PTPRJ: variants seen among roughly 807,000 people sequenced by gnomAD.
The protein encoded by PTPRJ is receptor-type tyrosine-protein phosphatase eta.
Under a neutral mutation model 141.3 loss-of-function variants are expected in PTPRJ, and 129 were observed. The ratio of observed to expected loss-of-function variants is 0.91; its 90% CI spans 0.79 to 1.06. The LOEUF (loss-of-function observed/expected upper bound fraction) is 1.06. PTPRJ is among the 50% of genes least tolerant of loss of function. The probability of loss-of-function intolerance (pLI) is 0.00; values close to 1 mark genes in which losing one functional copy is unlikely to be tolerated. For missense variants in PTPRJ, 1,601 were observed against 1,679.7 expected (o/e 0.95, Z 0.82); for synonymous variants, 610 against 640.5 (o/e 0.95, Z 0.72).
chr11:48,024,767 T>G (rs1853759055), intron 1 of PTPRJ, among the ~76,000 whole-genome samples: 1 of 152,212 alleles, frequency 6.6e-6, no homozygotes, highest in Non-Finnish European at 1.5e-5. Flanking sequence ...GTCATTTCAT[T>G]CATTCTGAGT....
At chr11:48,028,353 A>C (rs1853882142) in intron 1 of PTPRJ, among the ~76,000 whole-genome samples, 1 of 152,150 alleles carries the variant, frequency 6.6e-6, no homozygotes, top group African/African-American at 2.4e-5. Flanking sequence ...GAAATCTGGA[A>C]ATCTTGGCAT....
intron 10 of PTPRJ, 134 bp downstream of exon 10, chr11:48,137,415 C>A: frequency 1.1e-6 from 1 of 942,488 alleles, no homozygotes; most frequent in Non-Finnish European, 1.6e-6. Flanking sequence ...CCGAGGCATC[C>A]TGTTAGCTTA....
In PTPRJ at chr11:47,980,988, C is replaced by G. The variant is rs1362129712; in HGVS notation, c.76C>G (p.Leu26Val). The change falls in exon 1 of 25, where the codon CTG becomes GTG. Residue 26 changes from leucine to valine, a missense_variant. Physicochemically the swap from Leu to Val is conservative, Grantham distance 32. Transcript: ENST00000418331. ...GLRWALPLLL[L>V]LLRLGQILCA... ...GCGCTGGGCGCTGCCGCTGCTGCTG[C>G]TGCTGCTGCGCCTGGGCCAGGTAAG... is the stretch of plus-strand genomic sequence containing the variant. The G allele has an allele frequency of 4.2e-6, 5 of 1,186,636 alleles. No homozygotes were observed. In the East Asian group the frequency reaches 1.7e-4, roughly 41 times the overall value. 73.5% of individuals were successfully genotyped at this position (1,186,636 alleles called of 1,614,324 possible).
In PTPRJ at chr11:48,168,670, C is replaced by G. The variant is rs1176737945; in HGVS notation, c.*1308C>G. ...AAAGATGTAATTATTATTTTTAAAA[C>G]CTTTTCACTATACTGCTGCTGTAAT... On this transcript the variant is annotated 3_prime_UTR_variant, in exon 25 of 25. Coordinates refer to ENST00000418331, the MANE Select transcript of PTPRJ (RefSeq NM_002843.4). The G allele has an allele frequency of 7.0e-6, 1 of 143,476 alleles. No homozygotes were observed. The highest frequency in any genetic ancestry group is 1.5e-5 in the Non-Finnish European group (1 of 66,464). The allele number at this position is 143,476 out of a possible 1,614,324, so 8.9% of individuals were successfully genotyped here.
intron 1 of PTPRJ, among the ~76,000 whole-genome samples, chr11:48,014,852 G>A (rs1172579860): frequency 2.0e-5 from 3 of 152,064 alleles, no homozygotes; most frequent in Non-Finnish European, 4.4e-5. Context: ...ACAGGCATGC[G>A]CCACCATGCC....
chr11:48,007,862 G>A (rs368684075), intron 1 of PTPRJ, among the ~76,000 whole-genome samples: 17 of 152,292 alleles, frequency 1.1e-4, no homozygotes, highest in East Asian at 3.9e-4. Context: ...AATGCAAACC[G>A]TTTACTTTAG....
At chr11:48,008,874 T>C (rs981047038) in intron 1 of PTPRJ, among the ~76,000 whole-genome samples, 1 of 152,262 alleles carries the variant, frequency 6.6e-6, no homozygotes. Context: ...CACACCCCGG[T>C]TTATTGCATT....
chr11:48,157,669 T>C (rs2134383095), intron 21 of PTPRJ, among the ~76,000 whole-genome samples: 1 of 152,286 alleles, frequency 6.6e-6, no homozygotes, highest in South Asian at 2.1e-4. Flanking sequence ...CATGGTAAGC[T>C]AGCAGATGTT....
chr11:48,031,946 AC>A (rs2134225545), intron 1 of PTPRJ, among the ~76,000 whole-genome samples: 1 of 152,150 alleles, frequency 6.6e-6, no homozygotes, highest in African/African-American at 2.4e-5. Flanking sequence ...CACCCTCCCC[AC>A]CCCCGTCAAC....
At chr11:48,016,934 A>T (rs977737167) in intron 1 of PTPRJ, among the ~76,000 whole-genome samples, 4 of 149,336 alleles carry the variant, frequency 2.7e-5, no homozygotes, top group African/African-American at 9.8e-5. Flanking sequence ...TTTATTTTTA[A>T]TTTTTTTTTT....
At position 48,164,603 on chromosome 11, in the gene PTPRJ, G is replaced by A. The variant is rs374611817; in HGVS notation, c.3855+88G>A. The A allele has an allele frequency of 1.5e-5, 20 of 1,330,742 alleles. 1 individual carries two copies. The Admixed American group carries it at 2.7e-4, about 18-fold the overall frequency. 82.4% of individuals were successfully genotyped at this position (1,330,742 alleles called of 1,614,324 possible). On this transcript the variant is annotated intron_variant, in intron 24 of 24. Transcript: ENST00000418331. ...TTTTTTTGAGACGGAGTCTTGCTCTGTCGCCCAGGCTGGAGTGCAGTGGCA... is the reference window on the plus strand; with the variant it reads ...TTTTTTTGAGACGGAGTCTTGCTCTATCGCCCAGGCTGGAGTGCAGTGGCA...
chr11:48,102,722 C>T (rs1429306073), intron 1 of PTPRJ, among the ~76,000 whole-genome samples: 2 of 152,068 alleles, frequency 1.3e-5, no homozygotes, highest in East Asian at 3.9e-4. Context: ...TGGCTTCTAT[C>T]TCCCTAATTT....
chr11:48,051,064 G>A (rs1357125255), intron 1 of PTPRJ, among the ~76,000 whole-genome samples: 1 of 137,470 alleles, frequency 7.3e-6, no homozygotes, highest in Non-Finnish European at 1.5e-5. Context: ...TTTCAGAGGT[G>A]ATAGCCAGTT....
intron 2 of PTPRJ, 44 bp downstream of exon 2, chr11:48,110,120 C>G: frequency 6.3e-7 from 1 of 1,585,670 alleles, no homozygotes; most frequent in Non-Finnish European, 8.7e-7. Context: ...TTCGCTACTG[C>G]CCCCTAATGG....
intron 1 of PTPRJ, among the ~76,000 whole-genome samples, chr11:48,017,623 A>G (rs978308918): frequency 2.6e-5 from 4 of 152,118 alleles, no homozygotes; most frequent in Non-Finnish European, 4.4e-5. Flanking sequence ...GCCACACTGA[A>G]CAAGCCACAC....
chr11:48,021,040 G>A (rs1855104322), intron 1 of PTPRJ, among the ~76,000 whole-genome samples: 1 of 152,146 alleles, frequency 6.6e-6, no homozygotes, highest in Non-Finnish European at 1.5e-5. Flanking sequence ...TTCTGTGGTA[G>A]GAGAGTAGAC....
chr11:48,046,889 CAT>C (rs1243672838), intron 1 of PTPRJ, among the ~76,000 whole-genome samples: 6,071 of 76,836 alleles, frequency 0.079, 451 homozygotes, highest in South Asian at 0.13. Flanking sequence ...AATATGTTTA[CAT>C]ATATATATAT....
intron 21 of PTPRJ, among the ~76,000 whole-genome samples, chr11:48,159,518 G>A (rs546828184): frequency 9.8e-4 from 149 of 152,328 alleles, no homozygotes; most frequent in African/African-American, 3.2e-3. Flanking sequence ...GTTGTAGGCA[G>A]ATCTGATTTT....
At chr11:48,027,479 T>C (rs1853849584) in intron 1 of PTPRJ, among the ~76,000 whole-genome samples, 1 of 151,960 alleles carries the variant, frequency 6.6e-6, no homozygotes, top group Non-Finnish European at 1.5e-5. Context: ...ATCCCCTCCC[T>C]GTTCCCCAAC....
Sources: allele counts gnomAD v4.1 joint callset (sites outside exome capture counted in the v4.1 genomes callset), GRCh38; gene constraint gnomAD v4.1.1; transcripts MANE v1.5; gene names NCBI Gene and HGNC (gene_info 2026-07-23, HGNC 2026-07-21).